The following SLCO3A1 variants were observed in gnomAD, a reference collection of about 807,000 sequenced individuals.
SLCO3A1 encodes solute carrier organic anion transporter family member 3A1, also known as PGE1 transporter.
A neutral mutation model predicts 63.1 loss-of-function variants in SLCO3A1; 27 were observed. That is an observed-to-expected ratio of 0.43 (90% confidence interval 0.32 to 0.59). The LOEUF (loss-of-function observed/expected upper bound fraction) is 0.59. Ranked by LOEUF, SLCO3A1 falls within the 20% of genes least tolerant of loss-of-function variation. SLCO3A1 has a pLI of 0.09. For missense variants in SLCO3A1, 773 were observed against 945.8 expected, an observed-to-expected ratio of 0.82 and a Z score of 2.40; for synonymous variants, 473 against 409.9, an observed-to-expected ratio of 1.15 and a Z score of -1.86.
Position 91,964,743 on chromosome 15 carries a change from G to GT in SLCO3A1, c.646+48298dup, listed in dbSNP as rs538771710. On this transcript the variant is annotated intron_variant, in intron 2 of 9. Transcript: ENST00000318445. ...TACTAACATCCTTTAAAATTAGATAGTTTTTTTTTTTTTAATGTACTTCGA... is the reference window on the plus strand; with the variant it reads ...TACTAACATCCTTTAAAATTAGATAGTTTTTTTTTTTTTTAATGTACTTCGA... Among the ~76,000 whole-genome samples, 848 of 135,402 alleles carry GT rather than the reference G, an allele frequency of 6.3e-3. 1 individual carries two copies. The highest frequency in any genetic ancestry group is 0.012 in the African/African-American group (391 of 33,174). 88.8% of individuals were successfully genotyped at this position (135,402 alleles called of 152,430 possible).
intron 6 of SLCO3A1, among the ~76,000 whole-genome samples, chr15:92,126,479 A>G (rs2151566439): frequency 6.6e-6 from 1 of 152,326 alleles, no homozygotes; most frequent in Admixed American, 6.5e-5. Context: ...GGGGGAGAAG[A>G]GAAGCCGTTT....
chr15:92,008,144 A>T (rs1004569429), intron 2 of SLCO3A1, among the ~76,000 whole-genome samples: 5 of 152,154 alleles, frequency 3.3e-5, no homozygotes, highest in Admixed American at 1.3e-4. Flanking sequence ...AAACTGAAAG[A>T]CCTTTTTTTC....
chr15:91,980,661 A>G (rs1290848435), intron 2 of SLCO3A1, among the ~76,000 whole-genome samples: 1 of 152,088 alleles, frequency 6.6e-6, no homozygotes, highest in Admixed American at 6.5e-5. Context: ...CCCTCACACC[A>G]TGCAGCTATT....
intron 2 of SLCO3A1, among the ~76,000 whole-genome samples, chr15:92,078,922 C>T (rs1004445037): frequency 6.6e-6 from 1 of 152,202 alleles, no homozygotes; most frequent in African/African-American, 2.4e-5. Flanking sequence ...GGGGATATTT[C>T]CCTCACTGAT....
chr15:92,106,461 AAGTGT>A (rs1241081467), intron 4 of SLCO3A1, among the ~76,000 whole-genome samples: 3 of 152,076 alleles, frequency 2.0e-5, no homozygotes, highest in Admixed American at 2.0e-4. Context: ...CATCCATAGA[AAGTGT>A]CCTGGTAACT....
At chr15:91,974,739 C>T (rs541709111) in intron 2 of SLCO3A1, among the ~76,000 whole-genome samples, 10 of 152,340 alleles carry the variant, frequency 6.6e-5, no homozygotes, top group African/African-American at 2.4e-4. Flanking sequence ...ATGTGCTGTG[C>T]TGGCAGGAAG....
intron 2 of SLCO3A1, among the ~76,000 whole-genome samples, chr15:91,956,719 C>T (rs1324005503): frequency 6.6e-6 from 1 of 150,536 alleles, no homozygotes; most frequent in African/African-American, 2.4e-5. Context: ...ACTTTTGTGC[C>T]CCTCCTTGTC....
At chr15:91,918,844 G>T (rs1460982673) in intron 2 of SLCO3A1, among the ~76,000 whole-genome samples, 1 of 152,222 alleles carries the variant, frequency 6.6e-6, no homozygotes, top group Admixed American at 6.5e-5. Flanking sequence ...GGGACTGTAG[G>T]TGTAACTGTA....
chr15:91,874,918 T>A (rs1304786541), intron 1 of SLCO3A1, among the ~76,000 whole-genome samples: 1 of 152,210 alleles, frequency 6.6e-6, no homozygotes, highest in Non-Finnish European at 1.5e-5. Flanking sequence ...TAGATTTAAG[T>A]TTTGCTTGAT....
chr15:91,859,498 C>T lies in SLCO3A1; in HGVS notation c.180+5410C>T, dbSNP rs1194492133. On this transcript the variant is annotated intron_variant, in intron 1 of 9. Coordinates refer to ENST00000318445, the MANE Select transcript of SLCO3A1 (RefSeq NM_013272.4). This position sits in a 1 kb window ranked among gnomAD's most constrained non-coding sequence, Gnocchi z 5.1. ...AATTATTGCTTAATGGTTAAAACTC[C>T]AAGTTAAATGATTACAGTTCCAAGG... is the stretch of plus-strand genomic sequence containing the variant. 6.6e-6 allele frequency among the ~76,000 whole-genome samples: 1 copy of T among 152,132 alleles called. No homozygotes were observed. Among genetic ancestry groups the T allele is most frequent in the Non-Finnish European group, 1.5e-5 (1 of 68,036 alleles).
chr15:91,964,710 A>G (rs1900590370), intron 2 of SLCO3A1, among the ~76,000 whole-genome samples: 1 of 151,962 alleles, frequency 6.6e-6, no homozygotes, highest in African/African-American at 2.4e-5. Context: ...AAGCAGAAGC[A>G]AGCTGGGTAC....
chr15:92,000,000 A>T (rs537451262), intron 2 of SLCO3A1, among the ~76,000 whole-genome samples: 94 of 152,370 alleles, frequency 6.2e-4, no homozygotes, highest in African/African-American at 2.2e-3. Context: ...AGTATTTGAT[A>T]TGTATAAGAT....
chr15:91,855,105 T>C (rs1374691964), intron 1 of SLCO3A1, among the ~76,000 whole-genome samples: 3 of 152,216 alleles, frequency 2.0e-5, no homozygotes, highest in African/African-American at 7.2e-5. Flanking sequence ...TCATAGACTT[T>C]GAGTATTCCT....
At chr15:92,143,043 G>C (rs1165507620) in intron 7 of SLCO3A1, among the ~76,000 whole-genome samples, 1 of 151,730 alleles carries the variant, frequency 6.6e-6, no homozygotes, top group South Asian at 2.1e-4. Flanking sequence ...ATTCCTGAGA[G>C]ACTGCGTGCT....
At chr15:91,969,478 G>A (rs1900780025) in intron 2 of SLCO3A1, among the ~76,000 whole-genome samples, 1 of 151,942 alleles carries the variant, frequency 6.6e-6, no homozygotes, top group Admixed American at 6.6e-5. Context: ...GCTAATTTTT[G>A]TATTTTTAGT....
intron 2 of SLCO3A1, among the ~76,000 whole-genome samples, chr15:91,917,075 G>T (rs981824551): frequency 1.3e-5 from 2 of 152,210 alleles, no homozygotes; most frequent in African/African-American, 4.8e-5. Flanking sequence ...TTGTGCGTGG[G>T]GGTTAAGAAT....
chr15:92,085,936 A>G (rs545449500), intron 2 of SLCO3A1, among the ~76,000 whole-genome samples: 27 of 152,318 alleles, frequency 1.8e-4, no homozygotes, highest in Non-Finnish European at 3.7e-4. Flanking sequence ...AACTTCAACC[A>G]TGTCATTGAT....
intron 7 of SLCO3A1, 70 bp from the exon 8 acceptor site, chr15:92,146,914 C>G: frequency 7.1e-7 from 1 of 1,412,764 alleles, no homozygotes; most frequent in Non-Finnish European, 9.7e-7. Flanking sequence ...ACAGATTCAG[C>G]TGATGGATGG....
At chr15:92,017,027 C>T (rs1249308249) in intron 2 of SLCO3A1, among the ~76,000 whole-genome samples, 2 of 152,100 alleles carry the variant, frequency 1.3e-5, no homozygotes, top group African/African-American at 4.8e-5. Flanking sequence ...CTACTCAACA[C>T]CCACTTTTGA....
Sources: allele counts gnomAD v4.1 joint callset (sites outside exome capture counted in the v4.1 genomes callset), GRCh38; gene constraint gnomAD v4.1.1; non-coding constraint Gnocchi (gnomAD v3.1); transcripts MANE v1.5; gene names NCBI Gene and HGNC (gene_info 2026-07-23, HGNC 2026-07-21).